Variants in ETF1 observed in about 807,000 individuals in gnomAD.
ETF1 encodes eukaryotic peptide chain release factor subunit 1.
In ETF1, 4 loss-of-function variants were observed where a neutral mutation model predicts 55.1. The ratio of observed to expected loss-of-function variants is 0.07; its 90% CI spans 0.04 to 0.17. The LOEUF (loss-of-function observed/expected upper bound fraction) is 0.17, where lower values mean the gene tolerates loss of function less well. Ranked by LOEUF, ETF1 falls within the 10% of genes least tolerant of loss-of-function variation. The probability of loss-of-function intolerance (pLI) is 1.00; values close to 1 mark genes in which losing one functional copy is unlikely to be tolerated. For missense variants in ETF1, 142 were observed against 523.6 expected, an observed-to-expected ratio of 0.27 and a Z score of 7.11; for synonymous variants, 157 against 182.3, an observed-to-expected ratio of 0.86 and a Z score of 1.12.
At chr5:138,541,726 G>T in intron 2 of ETF1, 1 of 948,994 alleles carries the variant, frequency 1.1e-6, no homozygotes, top group Non-Finnish European at 1.3e-6. Flanking sequence ...AGAATGCTCA[G>T]ACATACAAGT....
At chr5:138,526,400 A>G (rs1765474300) in intron 2 of ETF1, among the ~76,000 whole-genome samples, 1 of 152,150 alleles carries the variant, frequency 6.6e-6, no homozygotes, top group South Asian at 2.1e-4. Flanking sequence ...CATAAAGCAA[A>G]ATTTCATAAA....
At chr5:138,514,698 G>A (rs532072592) in intron 4 of ETF1, among the ~76,000 whole-genome samples, 9 of 151,942 alleles carry the variant, frequency 5.9e-5, no homozygotes, top group East Asian at 1.9e-4. Context: ...CCAAAGTGCC[G>A]GGGTTACAGG....
At chr5:138,533,612 G>T (rs1254367387) in intron 2 of ETF1, among the ~76,000 whole-genome samples, 2 of 152,096 alleles carry the variant, frequency 1.3e-5, no homozygotes, top group African/African-American at 4.8e-5. Flanking sequence ...CTTAAACCTG[G>T]GAGGCAGTGG....
At chr5:138,542,598 C>T in intron 2 of ETF1, 1 of 1,398,198 alleles carries the variant, frequency 7.2e-7, no homozygotes, top group Non-Finnish European at 9.3e-7. Flanking sequence ...ACGAGGGGGG[C>T]CGAGTGATCT....
At chr5:138,537,333 T>C (rs1029718314) in intron 2 of ETF1, among the ~76,000 whole-genome samples, 2 of 152,232 alleles carry the variant, frequency 1.3e-5, no homozygotes, top group Non-Finnish European at 2.9e-5. Flanking sequence ...TCAATGTTTG[T>C]ATATACAAAA....
chr5:138,528,852 T>C (rs189933157), intron 2 of ETF1, among the ~76,000 whole-genome samples: 1 of 152,174 alleles, frequency 6.6e-6, no homozygotes, highest in East Asian at 1.9e-4. Flanking sequence ...TTAGGTTTAA[T>C]ACAAGCAGAC....
At chr5:138,529,976 C>G (rs1280039218) in intron 2 of ETF1, among the ~76,000 whole-genome samples, 1 of 151,990 alleles carries the variant, frequency 6.6e-6, no homozygotes, top group East Asian at 1.9e-4. Context: ...CTCTTGGGCC[C>G]AAACACTCCT....
At chr5:138,510,872 A>G in intron 8 of ETF1, 173 bp downstream of exon 8, 3 of 901,026 alleles carry the variant, frequency 3.3e-6, no homozygotes, top group Non-Finnish European at 4.0e-6. Flanking sequence ...AGCAGACGTT[A>G]AACAGTTCAA....
At chr5:138,529,769 T>C in intron 2 of ETF1, 1 of 954,672 alleles carries the variant, frequency 1.0e-6, no homozygotes, top group Non-Finnish European at 1.2e-6. Flanking sequence ...ATAATTTTTT[T>C]AGAGATGGGG....
At chr5:138,513,367 G>C (rs1764891507) in intron 5 of ETF1, 3 of 329,484 alleles carry the variant, frequency 9.1e-6, no homozygotes, top group Non-Finnish European at 1.3e-5. Flanking sequence ...AAGTAGCTGG[G>C]ATTACAGGCG....
intron 2 of ETF1, among the ~76,000 whole-genome samples, chr5:138,528,354 G>A (rs541805036): frequency 2.8e-4 from 43 of 152,316 alleles, no homozygotes; most frequent in Admixed American, 5.9e-4. Context: ...ATGACCTTAA[G>A]ATAAGCAGCT....
chr5:138,511,746 G>A, intron 6 of ETF1, 142 bp from the exon 7 acceptor site: 6 of 1,381,368 alleles, frequency 4.3e-6, no homozygotes, highest in Non-Finnish European at 4.7e-6. Context: ...TGGGGAAGGA[G>A]CCCAATTTAA....
At chr5:138,525,943 TAAA>T (rs35058160) in intron 2 of ETF1, among the ~76,000 whole-genome samples, 14 of 133,816 alleles carry the variant, frequency 1.0e-4, no homozygotes, top group African/African-American at 2.5e-4. Flanking sequence ...AGACTCTGTT[TAAA>T]AAAAAAAAAA....
intron 2 of ETF1, among the ~76,000 whole-genome samples, chr5:138,521,411 T>C (rs1765227046): frequency 6.6e-6 from 1 of 152,236 alleles, no homozygotes; most frequent in South Asian, 2.1e-4. Context: ...AGTGTGAATG[T>C]ACTTAATACT....
chr5:138,524,799 A>G lies in ETF1; in HGVS notation c.87-5932T>C, dbSNP rs565097680. Among the ~76,000 whole-genome samples the G allele has an allele frequency of 1.7e-4, 26 of 151,774 alleles. 1 individual carries two copies. Among genetic ancestry groups the G allele is most frequent in the African/African-American group, 2.4e-4 (10 of 41,418 alleles). On this transcript the variant is annotated intron_variant, in intron 2 of 10. Coordinates refer to ENST00000360541, the MANE Select transcript of ETF1 (RefSeq NM_004730.4). The stretch of plus-strand genomic sequence containing the variant: ...CACCATGTTGGCCAGGATGGTCTTG[A>G]TCTCCTGACTTCATGATCCGCCCGC...
At chr5:138,518,604 C>T in intron 3 of ETF1, 88 bp downstream of exon 3, 1 of 1,101,344 alleles carries the variant, frequency 9.1e-7, no homozygotes. Context: ...CTTAAGGGAA[C>T]ATTAGTGAAC....
chr5:138,525,456 T>C (rs1765429536), intron 2 of ETF1, among the ~76,000 whole-genome samples: 1 of 51,910 alleles, frequency 1.9e-5, no homozygotes. Context: ...ATGTCTGGCC[T>C]ATTAATAATT....
chr5:138,527,073 A>T (rs1765504034), intron 2 of ETF1, among the ~76,000 whole-genome samples: 1 of 152,126 alleles, frequency 6.6e-6, no homozygotes. Flanking sequence ...TCCTGAGCTC[A>T]TGATCCACCT....
chr5:138,533,512 C>T (rs1765788965), intron 2 of ETF1, among the ~76,000 whole-genome samples: 1 of 152,010 alleles, frequency 6.6e-6, no homozygotes, highest in Non-Finnish European at 1.5e-5. Context: ...ATGGTGAAAC[C>T]CTGTCTCTAC....
Sources: allele counts gnomAD v4.1 joint callset (sites outside exome capture counted in the v4.1 genomes callset), GRCh38; gene constraint gnomAD v4.1.1; transcripts MANE v1.5; gene names NCBI Gene and HGNC (gene_info 2026-07-23, HGNC 2026-07-21).